Variants in DRAM1 observed in about 807,000 individuals in gnomAD.
The protein encoded by DRAM1 is DNA damage regulated autophagy modulator 1.
Under a neutral mutation model 28.5 loss-of-function variants are expected in DRAM1, and 25 were observed. That is an observed-to-expected ratio of 0.88 (90% CI 0.64 to 1.23). The LOEUF (loss-of-function observed/expected upper bound fraction) is 1.23. Among genes scored for constraint, DRAM1 ranks in the 50% most tolerant of loss-of-function variants. The pLI, the probability that DRAM1 is intolerant of heterozygous loss-of-function variation, is 0.00. For synonymous variants in DRAM1, 113 were observed against 114.2 expected (o/e 0.99, Z 0.07); for missense variants, 249 against 299.2 (o/e 0.83, Z 1.24).
At chr12:101,899,606 G>C (rs968229589) in intron 2 of DRAM1, among the ~76,000 whole-genome samples, 3 of 150,922 alleles carry the variant, frequency 2.0e-5, no homozygotes, top group Admixed American at 6.6e-5. Flanking sequence ...CTGAGCCCAG[G>C]AGGTCAAGGC....
rs1303111330 is a variant in DRAM1, at chr12:101,905,783, TTATG to T, written c.343-2399_343-2396del. Among the ~76,000 whole-genome samples the T allele has an allele frequency of 7.6e-3, 1,137 of 149,208 alleles. 17 individuals are homozygous for T. Among genetic ancestry groups the T allele is most frequent in the African/African-American group, 0.025 (975 of 39,584 alleles). ...TTTATTTATTTATTTATTTATTTAT[TTATG>T]TATTTATTTATTTTTTGAGATGGAG... is the stretch of plus-strand genomic sequence containing the variant. On this transcript the variant is annotated intron_variant, in intron 3 of 6. Coordinates refer to ENST00000258534, the MANE Select transcript of DRAM1 (RefSeq NM_018370.3).
intron 5 of DRAM1, among the ~76,000 whole-genome samples, chr12:101,915,387 A>C (rs1282206340): frequency 6.6e-6 from 1 of 152,166 alleles, no homozygotes; most frequent in East Asian, 1.9e-4. Flanking sequence ...AATGTTAAGT[A>C]GAGAGGATGA....
rs968816492 is a variant in DRAM1, at chr12:101,895,696, G to A, written c.132-2167G>A. 4.0e-5 allele frequency among the ~76,000 whole-genome samples: 6 copies of A among 150,114 alleles called. No individual in the cohort carries two copies. In the Admixed American group the frequency reaches 4.0e-4, roughly 10 times the overall value. On this transcript the variant is annotated intron_variant, in intron 1 of 6. Coordinates refer to ENST00000258534, the MANE Select transcript of DRAM1 (RefSeq NM_018370.3). ...AGCGATTCTCCTGCCTCAGCCTCCGGATTAGCTGGGATTACCGGCGTCTGC... is the reference window on the plus strand; with the variant it reads ...AGCGATTCTCCTGCCTCAGCCTCCGAATTAGCTGGGATTACCGGCGTCTGC...
chr12:101,914,184 T>C lies in DRAM1; in HGVS notation c.531T>C (p.Cys177=). Residue 177 remains cysteine (C), a synonymous_variant, in exon 5 of 7, where the codon TGT becomes TGC. Coordinates refer to ENST00000258534, the MANE Select transcript of DRAM1 (RefSeq NM_018370.3). ...GTTTACTTCTTTCAGTGATTGTCTG[T>C]GCTTCACTAATTTCCATAACCAAGC... ...SCAAVIPMIV[C]ASLISITKLE... is the part of the protein sequence containing the mutation. 1 of 1,608,976 alleles carries C rather than the reference T, an allele frequency of 6.2e-7. No homozygotes were observed. Among genetic ancestry groups the C allele is most frequent in the Non-Finnish European group, 8.5e-7 (1 of 1,178,216 alleles).
chr12:101,918,216 G>A (rs1387434760), intron 5 of DRAM1, among the ~76,000 whole-genome samples: 4 of 152,174 alleles, frequency 2.6e-5, no homozygotes, highest in Non-Finnish European at 4.4e-5. Context: ...TGACTTACTT[G>A]GTAGGGGGAG....
chr12:101,899,681 CAAA>C (rs55642593), intron 2 of DRAM1, among the ~76,000 whole-genome samples: 14 of 102,722 alleles, frequency 1.4e-4, no homozygotes, highest in Admixed American at 3.3e-4. Flanking sequence ...CCTGTCTCCA[CAAA>C]AAAAAAAAAA....
chr12:101,879,972 A>G (rs2120996016), intron 1 of DRAM1, among the ~76,000 whole-genome samples: 1 of 151,478 alleles, frequency 6.6e-6, no homozygotes, highest in East Asian at 2.0e-4. Flanking sequence ...GCCTGGTGAC[A>G]GAGCGAGACT....
chr12:101,907,099 C>T (rs1223437930), intron 3 of DRAM1, among the ~76,000 whole-genome samples: 1 of 144,468 alleles, frequency 6.9e-6, no homozygotes, highest in Non-Finnish European at 1.5e-5. Flanking sequence ...CAGCTACTTG[C>T]TGGGCTGGGA....
rs1874482926 is a variant in DRAM1, at chr12:101,921,513, T to C, written c.*253T>C. On this transcript the variant is annotated 3_prime_UTR_variant, in exon 7 of 7. Coordinates refer to ENST00000258534, the MANE Select transcript of DRAM1 (RefSeq NM_018370.3). ...AGATTTTTTTATATTAACAAATTCA[T>C]ATACAGAAAAAATAAGGTGTTACAA... 2 of 318,382 alleles carry C rather than the reference T, an allele frequency of 6.3e-6. No individual in the cohort carries two copies. The highest frequency in any genetic ancestry group is 1.1e-5 in the Non-Finnish European group (2 of 176,352). The allele number at this position is 318,382 out of a possible 1,614,324, so 19.7% of individuals were successfully genotyped here.
intron 4 of DRAM1, among the ~76,000 whole-genome samples, chr12:101,911,181 G>C (rs142955353): frequency 0.023 from 3,452 of 152,266 alleles, 141 homozygotes; most frequent in African/African-American, 0.079. Context: ...GTTACAGTGA[G>C]CCAAGATTGT....
chr12:101,877,713 C>T lies in DRAM1; in HGVS notation c.-77C>T. On this transcript the variant is annotated 5_prime_UTR_variant, in exon 1 of 7. Coordinates refer to ENST00000258534, the MANE Select transcript of DRAM1 (RefSeq NM_018370.3). The surrounding 1 kb of genome is among the most constrained non-coding windows in gnomAD (Gnocchi z 4.1). ...TCCGTGAGTGTACGCGCCCGGCCGC[C>T]GCCTCCAGGCAGCCCGGAGCAACCC... 1 of 1,192,580 alleles carries T rather than the reference C, an allele frequency of 8.4e-7. No homozygotes were observed. Among genetic ancestry groups the T allele is most frequent in the Non-Finnish European group, 1.1e-6 (1 of 947,690 alleles). The allele number at this position is 1,192,580 out of a possible 1,614,324, so 73.9% of individuals were successfully genotyped here.
chr12:101,881,697 G>A (rs1439158321), intron 1 of DRAM1, among the ~76,000 whole-genome samples: 2 of 152,116 alleles, frequency 1.3e-5, no homozygotes, highest in East Asian at 3.8e-4. Flanking sequence ...CCTTCCTGCA[G>A]AGTTTTTCAC....
At chr12:101,916,921 A>T (rs938414535) in intron 5 of DRAM1, among the ~76,000 whole-genome samples, 1 of 152,240 alleles carries the variant, frequency 6.6e-6, no homozygotes, top group African/African-American at 2.4e-5. Flanking sequence ...AAAATGCTGA[A>T]CTGGACTTCA....
At chr12:101,888,575 T>C (rs1332861483) in intron 1 of DRAM1, among the ~76,000 whole-genome samples, 1 of 152,222 alleles carries the variant, frequency 6.6e-6, no homozygotes, top group East Asian at 1.9e-4. Context: ...GGGTGATGGA[T>C]GGAGTGTTGT....
At position 101,923,010 on chromosome 12, in the gene DRAM1, A is replaced by G. The variant is rs1874542262; in HGVS notation, c.*1750A>G. ...TTACTTGGGAGGCTGAGGTGGGAGAATCACCTGAGCCCAGGAGGTGGAGGC... is the reference window on the plus strand; with the variant it reads ...TTACTTGGGAGGCTGAGGTGGGAGAGTCACCTGAGCCCAGGAGGTGGAGGC... On this transcript the variant is annotated 3_prime_UTR_variant, in exon 7 of 7. Coordinates refer to ENST00000258534, the MANE Select transcript of DRAM1 (RefSeq NM_018370.3). 1.3e-5 allele frequency: 2 copies of G among 152,250 alleles called. No homozygotes were observed. The highest frequency in any genetic ancestry group is 2.9e-5 in the Non-Finnish European group (2 of 68,068). The allele number at this position is 152,250 out of a possible 1,614,324, so 9.4% of individuals were successfully genotyped here.
chr12:101,901,426 A>G lies in DRAM1; in HGVS notation c.335A>G (p.Asn112Ser), dbSNP rs187726739. 6.2e-7 allele frequency: 1 copy of G among 1,613,928 alleles called. No homozygotes were observed. The highest frequency in any genetic ancestry group is 8.5e-7 in the Non-Finnish European group (1 of 1,179,948). ...VGCFGMGIVA[N>S]FQELAVPVVH... is the part of the protein sequence containing the mutation. The stretch of plus-strand genomic sequence containing the variant: ...TGTTTCGGAATGGGCATTGTCGCCA[A>G]TTTTCAGGTATAATCTGGAGCTTTT... The change falls in exon 3 of 7, where the codon AAT becomes AGT. Residue 112 changes from asparagine to serine, a missense_variant. Physicochemically the swap from Asn to Ser is conservative, Grantham distance 46. This residue lies in a region of DRAM1 where 218 missense variants were observed against 243.1 expected (regional missense o/e 0.90). Coordinates refer to ENST00000258534, the MANE Select transcript of DRAM1 (RefSeq NM_018370.3).
intron 1 of DRAM1, among the ~76,000 whole-genome samples, chr12:101,878,540 G>A (rs1872578682): frequency 6.6e-6 from 1 of 152,218 alleles, no homozygotes; most frequent in Non-Finnish European, 1.5e-5. Flanking sequence ...TGGGCACTGT[G>A]ACCCCAAAGT....
At chr12:101,889,920 A>G in intron 1 of DRAM1, among the ~76,000 whole-genome samples, 1 of 145,946 alleles carries the variant, frequency 6.9e-6, no homozygotes. Context: ...AGCCTGGATG[A>G]CAAGAGTTAG....
chr12:101,907,758 AAAAG>A (rs1873878474), intron 3 of DRAM1, among the ~76,000 whole-genome samples: 1 of 152,148 alleles, frequency 6.6e-6, no homozygotes, highest in African/African-American at 2.4e-5. Flanking sequence ...CAACAACAAA[AAAAG>A]AAAATTGTAT....
Sources: allele counts gnomAD v4.1 joint callset (sites outside exome capture counted in the v4.1 genomes callset), GRCh38; gene constraint gnomAD v4.1.1; regional missense constraint gnomAD v4.1.1; non-coding constraint Gnocchi (gnomAD v3.1); transcripts MANE v1.5; gene names NCBI Gene and HGNC (gene_info 2026-07-23, HGNC 2026-07-21).